Variants in SCGB3A2 observed in about 807,000 individuals in gnomAD.
The protein encoded by SCGB3A2 is pneumo secretory protein 1.
In SCGB3A2, 5 loss-of-function variants were observed where a neutral mutation model predicts 7.7. The observed-to-expected ratio is 0.65, with a 90% CI of 0.34 to 1.36. The LOEUF (loss-of-function observed/expected upper bound fraction) is 1.36. Among genes scored for constraint, SCGB3A2 ranks in the 40% most tolerant of loss-of-function variants. The pLI is 0.04. For missense variants in SCGB3A2, 109 were observed against 103.6 expected, an observed-to-expected ratio of 1.05 and a Z score of -0.23; for synonymous variants, 44 against 42.7, an observed-to-expected ratio of 1.03 and a Z score of -0.12.
chr5:147,880,312 A>C (rs550814883), intron 1 of SCGB3A2, among the ~76,000 whole-genome samples: 1 of 152,258 alleles, frequency 6.6e-6, no homozygotes, highest in Non-Finnish European at 1.5e-5. Context: ...TCCTATGTAA[A>C]AGCCTTGATA....
intron 1 of SCGB3A2, 51 bp from the exon 2 acceptor site, chr5:147,881,393 CAT>C (rs2127118638): frequency 7.4e-7 from 1 of 1,357,614 alleles, no homozygotes; most frequent in Admixed American, 1.7e-5. Flanking sequence ...AAGATGAGGT[CAT>C]AGTCTGGGCC....
intron 1 of SCGB3A2, among the ~76,000 whole-genome samples, chr5:147,880,483 A>G (rs749671376): frequency 5.9e-5 from 9 of 152,152 alleles, no homozygotes; most frequent in Non-Finnish European, 1.3e-4. Flanking sequence ...TTCTGGGCAG[A>G]AGGCTCACCA....
intron 2 of SCGB3A2, 41 bp downstream of exon 2, chr5:147,881,689 A>T: frequency 6.7e-7 from 1 of 1,492,204 alleles, no homozygotes; most frequent in South Asian, 1.2e-5. Flanking sequence ...AAGGGGAGGC[A>T]TACTCACCCT....
chr5:147,881,494 C>T lies in SCGB3A2; in HGVS notation c.104C>T (p.Ala35Val), dbSNP rs2127118720. ...NKVPLPVDKL[A>V]PLPLDNILPF... ...GTGCCCCTTCCTGTTGACAAGTTGGCACCTTTACCTCTGGACAACATTCTT... is the reference window on the plus strand; with the variant it reads ...GTGCCCCTTCCTGTTGACAAGTTGGTACCTTTACCTCTGGACAACATTCTT... The change falls in exon 2 of 3, where the codon GCA becomes GTA. Residue 35 changes from alanine (A) to valine (V), a missense_variant. Physicochemically the swap from Ala to Val is moderately conservative, Grantham distance 64. Coordinates refer to ENST00000296694, the MANE Select transcript of SCGB3A2 (RefSeq NM_054023.5). The T allele has an allele frequency of 1.2e-6, 2 of 1,614,036 alleles. No individual in the cohort carries two copies. Among genetic ancestry groups the T allele is most frequent in the Non-Finnish European group, 1.7e-6 (2 of 1,179,930 alleles).
chr5:147,881,997 TC>T, intron 2 of SCGB3A2, 29 bp from the exon 3 acceptor site: 1 of 1,612,392 alleles, frequency 6.2e-7, no homozygotes, highest in Non-Finnish European at 8.5e-7. Context: ...TGTAAGCTGC[TC>T]TAAATTTTGT....
At chr5:147,881,284 G>C (rs1022681621) in intron 1 of SCGB3A2, among the ~76,000 whole-genome samples, 162 bp from the exon 2 acceptor site, 1 of 152,140 alleles carries the variant, frequency 6.6e-6, no homozygotes, top group Non-Finnish European at 1.5e-5. Flanking sequence ...AAAGTTCTAG[G>C]GAGATGGAAC....
chr5:147,880,388 A>C (rs1311316855), intron 1 of SCGB3A2, among the ~76,000 whole-genome samples: 1 of 152,156 alleles, frequency 6.6e-6, no homozygotes, highest in Non-Finnish European at 1.5e-5. Context: ...ACTTTAAAAA[A>C]TCTGACCTCA....
chr5:147,881,699 T>C (rs1271428776), intron 2 of SCGB3A2, 51 bp downstream of exon 2: 6 of 1,390,156 alleles, frequency 4.3e-6, no homozygotes, highest in Non-Finnish European at 6.1e-6. Context: ...ATACTCACCC[T>C]GAATGTCTAG....
chr5:147,880,526 G>A (rs979461050), intron 1 of SCGB3A2, among the ~76,000 whole-genome samples: 6 of 152,022 alleles, frequency 3.9e-5, no homozygotes, highest in African/African-American at 1.2e-4. Flanking sequence ...TAATGGTTCC[G>A]TGCCTTTATT....
Position 147,878,857 on chromosome 5 carries a change from T to A in SCGB3A2, c.54T>A (p.Ser18=). 2.5e-6 allele frequency: 4 copies of A among 1,599,216 alleles called. No individual in the cohort carries two copies. Among genetic ancestry groups the A allele is most frequent in the Middle Eastern group, 1.7e-4 (1 of 6,030 alleles). Residue 18 remains serine, a splice_region_variant and synonymous_variant, in exon 1 of 3, where the codon TCT becomes TCA. Transcript: ENST00000296694. ...TGACCATCAGCCTTTGTAGTTACTC[T>A]GGTAAGTAACTGGAATACATCTGGA... The part of the protein sequence containing the change: ...LLVTISLCSY[S]ATAFLINKVP...
chr5:147,882,064 A>G lies in SCGB3A2; in HGVS notation c.*14A>G. 1 of 1,613,600 alleles carries G rather than the reference A, an allele frequency of 6.2e-7. No individual in the cohort carries two copies. The highest frequency in any genetic ancestry group is 8.5e-7 in the Non-Finnish European group (1 of 1,179,578). The stretch of plus-strand genomic sequence containing the variant: ...CACTTGGTGTGACATCAAGATAAAG[A>G]GCGGAGGTGGATGGGGATGGAAGAT... On this transcript the variant is annotated 3_prime_UTR_variant, in exon 3 of 3. Coordinates refer to ENST00000296694, the MANE Select transcript of SCGB3A2 (RefSeq NM_054023.5).
intron 1 of SCGB3A2, among the ~76,000 whole-genome samples, chr5:147,879,479 G>A (rs10058203): frequency 0.31 from 47,520 of 152,114 alleles, 10,559 homozygotes; most frequent in African/African-American, 0.63. Context: ...TAGGGCTTCT[G>A]CCTAAGTTAC....
In SCGB3A2 at chr5:147,881,627, TGAA is replaced by T. The variant is rs1260312231; in HGVS notation, c.239_241del (p.Glu80del). On this transcript the variant is annotated inframe_deletion, in exon 2 of 3. Coordinates refer to ENST00000296694, the MANE Select transcript of SCGB3A2 (RefSeq NM_054023.5). Reference sequence around the variant, plus strand: ...TAAATGAGCTGGGACCAGAGGCTTCTGAAGCTGTGAAGAAACTGCTGGTAACCA... The same window carrying T: ...TAAATGAGCTGGGACCAGAGGCTTCTGCTGTGAAGAAACTGCTGGTAACCA... 29 of 1,613,546 alleles carry T rather than the reference TGAA, an allele frequency of 1.8e-5. No individual in the cohort carries two copies. In the Admixed American group the frequency reaches 4.8e-4, roughly 27 times the overall value.
At chr5:147,879,317 G>A (rs1757309934) in intron 1 of SCGB3A2, among the ~76,000 whole-genome samples, 1 of 152,166 alleles carries the variant, frequency 6.6e-6, no homozygotes, top group Non-Finnish European at 1.5e-5. Flanking sequence ...TGCTAGCTTG[G>A]TTCTCCTGAG....
intron 1 of SCGB3A2, among the ~76,000 whole-genome samples, chr5:147,880,178 T>C (rs575161210): frequency 6.6e-6 from 1 of 152,336 alleles, no homozygotes; most frequent in East Asian, 1.9e-4. Flanking sequence ...TGTGCATTTA[T>C]ATATCTGCAC....
At chr5:147,879,041 G>A (rs1471708222) in intron 1 of SCGB3A2, among the ~76,000 whole-genome samples, 183 bp downstream of exon 1, 1 of 151,996 alleles carries the variant, frequency 6.6e-6, no homozygotes. Flanking sequence ...AAGAAGTTTT[G>A]GAATCACAGA....
At chr5:147,880,252 C>T (rs905549335) in intron 1 of SCGB3A2, among the ~76,000 whole-genome samples, 1 of 152,130 alleles carries the variant, frequency 6.6e-6, no homozygotes, top group Non-Finnish European at 1.5e-5. Flanking sequence ...CACCATTCAT[C>T]TTCTACGGGA....
At chr5:147,880,028 T>C (rs944741105) in intron 1 of SCGB3A2, among the ~76,000 whole-genome samples, 7 of 151,980 alleles carry the variant, frequency 4.6e-5, no homozygotes, top group African/African-American at 1.5e-4. Context: ...CAATAGGTGA[T>C]TGAAAATTTA....
Position 147,882,144 on chromosome 5 carries a change from C to A in SCGB3A2, c.*94C>A. 1 of 1,273,026 alleles carries A rather than the reference C, an allele frequency of 7.9e-7. No individual in the cohort carries two copies. The highest frequency in any genetic ancestry group is 2.3e-5 in the East Asian group (1 of 43,206). 78.9% of individuals were successfully genotyped at this position (1,273,026 alleles called of 1,614,324 possible). A position where few individuals can be genotyped will look rare whatever the true frequency, so the allele number is the denominator to read the frequency against. ...GTTCTACCAATTATAGATCAAATGC[C>A]CTAAAATGTAGTGACCCGTGAAAAG... is the stretch of plus-strand genomic sequence containing the variant. On this transcript the variant is annotated 3_prime_UTR_variant, in exon 3 of 3. Transcript: ENST00000296694.
Sources: allele counts gnomAD v4.1 joint callset (sites outside exome capture counted in the v4.1 genomes callset), GRCh38; gene constraint gnomAD v4.1.1; transcripts MANE v1.5; gene names NCBI Gene and HGNC (gene_info 2026-07-23, HGNC 2026-07-21).